The following DPYD variants were observed in gnomAD, a reference collection of about 807,000 sequenced individuals.
DPYD encodes the protein dihydropyrimidine dehydrogenase [NADP(+)].
Under a neutral mutation model 116.2 loss-of-function variants are expected in DPYD, and 109 were observed. The ratio of observed to expected loss-of-function variants is 0.94; its 90% confidence interval spans 0.80 to 1.10. The LOEUF is 1.10. DPYD is among the 50% of genes least tolerant of loss of function. DPYD has a pLI of 0.00. For synonymous variants in DPYD, 440 were observed against 432.0 expected (o/e 1.02, Z -0.23); for missense variants, 1,302 against 1,254.5 (o/e 1.04, Z -0.57).
At chr1:97,863,259 T>C (rs1671211427) in intron 2 of DPYD, among the ~76,000 whole-genome samples, 1 of 151,844 alleles carries the variant, frequency 6.6e-6, no homozygotes, top group Non-Finnish European at 1.5e-5. Flanking sequence ...ATGAAAAAAT[T>C]ACACACACAT....
chr1:97,393,977 G>C (rs1672866082), intron 14 of DPYD, among the ~76,000 whole-genome samples: 2 of 151,822 alleles, frequency 1.3e-5, no homozygotes, highest in Admixed American at 6.6e-5. Context: ...TTTTAATGAT[G>C]GCCATTCTAA....
intron 11 of DPYD, among the ~76,000 whole-genome samples, chr1:97,567,776 T>C (rs1652628200): frequency 6.6e-6 from 1 of 152,176 alleles, no homozygotes; most frequent in South Asian, 2.1e-4. Flanking sequence ...CAAAAAAATG[T>C]GGTCCAATTT....
At chr1:97,594,523 T>C (rs940248338) in intron 9 of DPYD, among the ~76,000 whole-genome samples, 3 of 152,224 alleles carry the variant, frequency 2.0e-5, no homozygotes, top group South Asian at 4.1e-4. Context: ...TTAGATTATC[T>C]GACTTTGGAT....
chr1:97,369,470 C>G (rs1435151163), intron 16 of DPYD, among the ~76,000 whole-genome samples: 1 of 152,116 alleles, frequency 6.6e-6, no homozygotes, highest in South Asian at 2.1e-4. Flanking sequence ...AGGAACTGTT[C>G]TAGACAACTT....
chr1:97,243,766 A>T (rs1662534137), intron 18 of DPYD, among the ~76,000 whole-genome samples: 1 of 152,008 alleles, frequency 6.6e-6, no homozygotes. Context: ...GAGTAACCAT[A>T]TAGCCCAGTT....
At chr1:97,853,373 T>C (rs968393937) in intron 2 of DPYD, among the ~76,000 whole-genome samples, 1 of 152,252 alleles carries the variant, frequency 6.6e-6, no homozygotes, top group African/African-American at 2.4e-5. Context: ...GGTATTGTCA[T>C]ACTAAGTTTC....
intron 10 of DPYD, among the ~76,000 whole-genome samples, chr1:97,581,288 C>T (rs1439398513): frequency 7.8e-6 from 1 of 128,912 alleles, no homozygotes; most frequent in East Asian, 2.7e-4. Flanking sequence ...GATCGCACCA[C>T]TGCACTCCAG....
intron 19 of DPYD, among the ~76,000 whole-genome samples, chr1:97,221,873 T>C (rs1238318715): frequency 6.6e-6 from 1 of 152,036 alleles, no homozygotes; most frequent in Non-Finnish European, 1.5e-5. Flanking sequence ...CTTTTTAAAA[T>C]GGGAATGAAA....
intron 14 of DPYD, among the ~76,000 whole-genome samples, chr1:97,395,308 A>C (rs1358759352): frequency 9.2e-5 from 14 of 151,942 alleles, no homozygotes; most frequent in Admixed American, 9.2e-4. Context: ...TATCAAAAAT[A>C]ATTTTTCATT....
intron 2 of DPYD, among the ~76,000 whole-genome samples, chr1:97,848,267 T>A (rs930489724): frequency 1.3e-5 from 2 of 152,064 alleles, no homozygotes; most frequent in African/African-American, 4.8e-5. Flanking sequence ...CCGGCTAACT[T>A]TTTGTATTTT....
At chr1:97,704,690 T>C (rs1661805466) in intron 5 of DPYD, among the ~76,000 whole-genome samples, 1 of 152,008 alleles carries the variant, frequency 6.6e-6, no homozygotes, top group Admixed American at 6.6e-5. Flanking sequence ...TAGTTCCCTA[T>C]TGTTTCATAA....
chr1:97,324,035 A>T (rs781117415), intron 16 of DPYD, among the ~76,000 whole-genome samples: 1 of 152,002 alleles, frequency 6.6e-6, no homozygotes, highest in Non-Finnish European at 1.5e-5. Context: ...TATTTGTGGT[A>T]GTGTGTTGTG....
chr1:97,873,904 G>A lies in DPYD; in HGVS notation c.150+9360C>T, dbSNP rs1049579063. Among the ~76,000 whole-genome samples, 4 of 151,842 alleles carry A rather than the reference G, an allele frequency of 2.6e-5. No homozygotes were observed. The East Asian group carries it at 5.8e-4, about 22-fold the overall frequency. ...AGGTCTTCACAGACCTTACATTCTC[G>A]TGGGGAGAAAATGACTAAACAACCA... On this transcript the variant is annotated intron_variant, in intron 2 of 22. Transcript: ENST00000370192.
intron 17 of DPYD, among the ~76,000 whole-genome samples, 190 bp downstream of exon 17, chr1:97,305,987 T>C (rs1667135876): frequency 6.6e-6 from 1 of 151,954 alleles, no homozygotes; most frequent in South Asian, 2.1e-4. Flanking sequence ...TCAAAATTCA[T>C]GGTCAATTTG....
chr1:97,218,701 C>A (rs1364751135), intron 19 of DPYD, among the ~76,000 whole-genome samples: 2 of 151,706 alleles, frequency 1.3e-5, no homozygotes, highest in East Asian at 3.9e-4. Flanking sequence ...AGAAGTACAT[C>A]AACACAAGGA....
At chr1:97,823,839 G>A (rs1669090719) in intron 3 of DPYD, among the ~76,000 whole-genome samples, 1 of 147,320 alleles carries the variant, frequency 6.8e-6, no homozygotes, top group African/African-American at 2.5e-5. Context: ...TTTCCTTTGG[G>A]CCATGTGAAG....
chr1:97,459,674 G>A (rs1676909333), intron 13 of DPYD, among the ~76,000 whole-genome samples: 1 of 151,742 alleles, frequency 6.6e-6, no homozygotes, highest in South Asian at 2.1e-4. Flanking sequence ...TATAACTCAA[G>A]GATAAAGAAA....
At chr1:97,477,778 G>A (rs904596787) in intron 13 of DPYD, among the ~76,000 whole-genome samples, 17 of 151,440 alleles carry the variant, frequency 1.1e-4, no homozygotes, top group Admixed American at 2.0e-4. Flanking sequence ...CCGCCACCGC[G>A]CCCGGCTAAT....
chr1:97,889,251 T>C (rs558443306), intron 1 of DPYD, among the ~76,000 whole-genome samples: 66 of 152,174 alleles, frequency 4.3e-4, no homozygotes, highest in African/African-American at 1.6e-3. Flanking sequence ...CATAACTTAC[T>C]ATTCACACGA....
Sources: gnomAD v4.1 joint callset for allele counts (sites outside exome capture counted in the v4.1 genomes callset) on GRCh38, gnomAD v4.1.1 for gene constraint, MANE v1.5 for transcripts, NCBI Gene and HGNC (gene_info 2026-07-23, HGNC 2026-07-21) for gene names.